The following AADAT variants were observed in gnomAD, a reference collection of about 807,000 sequenced individuals.
AADAT encodes aminoadipate aminotransferase, also known as kynurenine/alpha-aminoadipate aminotransferase, mitochondrial.
In AADAT, 25 loss-of-function variants were observed where a neutral mutation model predicts 56.2. The observed-to-expected ratio is 0.44, with a 90% CI of 0.32 to 0.62. The LOEUF (loss-of-function observed/expected upper bound fraction) is 0.62. AADAT is among the 20% of genes least tolerant of loss of function. The pLI is 0.04. For synonymous variants in AADAT, 173 were observed against 164.7 expected (o/e 1.05, Z -0.39); for missense variants, 387 against 510.5 (o/e 0.76, Z 2.33).
At chr4:170,079,242 C>G (rs776666320) in intron 3 of AADAT, among the ~76,000 whole-genome samples, 1 of 152,108 alleles carries the variant, frequency 6.6e-6, no homozygotes, top group Admixed American at 6.6e-5. Context: ...AGTTGGTGTA[C>G]GGGGTAACAA....
intron 3 of AADAT, among the ~76,000 whole-genome samples, chr4:170,086,372 A>T (rs1386847434): frequency 2.6e-5 from 4 of 152,076 alleles, no homozygotes; most frequent in Non-Finnish European, 5.9e-5. Context: ...GAAGGGAAGA[A>T]GATGGAATAA....
In AADAT at chr4:170,088,176, C is replaced by T. The variant is rs751855963; in HGVS notation, c.236+220G>A. 2.6e-4 allele frequency among the ~76,000 whole-genome samples: 40 copies of T among 151,740 alleles called. 1 individual carries two copies. The highest frequency in any genetic ancestry group is 2.0e-3 in the Admixed American group (30 of 15,250). ...CAATATCCTTTCTGTTCTTAATTAT[C>T]CTTTGAAAACCTTTCCCCAGACCTT... On this transcript the variant is annotated intron_variant, in intron 2 of 12. Transcript: ENST00000337664.
chr4:170,069,138 A>T lies in AADAT; in HGVS notation c.803+10T>A. 6.2e-7 allele frequency: 1 copy of T among 1,610,924 alleles called. No individual in the cohort carries two copies. Among genetic ancestry groups the T allele is most frequent in the Non-Finnish European group, 8.5e-7 (1 of 1,178,044 alleles). On this transcript the variant is annotated intron_variant, in intron 7 of 12. Transcript: ENST00000337664. ...AGATCTAGCGTCAAGTTAGAGACACAGGGCCTTACCCAGAGGAAATGATTT... is the reference window on the plus strand; with the variant it reads ...AGATCTAGCGTCAAGTTAGAGACACTGGGCCTTACCCAGAGGAAATGATTT...
intron 9 of AADAT, 111 bp from the exon 10 acceptor site, chr4:170,066,589 T>A: frequency 1.3e-6 from 1 of 771,612 alleles, no homozygotes; most frequent in South Asian, 1.5e-5. Context: ...ATTAAAATGT[T>A]GAATGCTTGA....
upstream of AADAT, among the ~76,000 whole-genome samples, chr4:170,092,361 C>T (rs190081184): frequency 5.3e-5 from 8 of 152,336 alleles, no homozygotes; most frequent in East Asian, 1.5e-3. Flanking sequence ...TCCAGCCGAG[C>T]TGTCTTAAGA....
At chr4:170,092,777 A>G (rs746239392), upstream of AADAT, among the ~76,000 whole-genome samples, 2 of 152,228 alleles carry the variant, frequency 1.3e-5, no homozygotes, top group South Asian at 4.1e-4. Context: ...TAATCAGTGC[A>G]GTGGTCTGCA....
chr4:170,071,672 G>A (rs573650269), intron 5 of AADAT, among the ~76,000 whole-genome samples: 1 of 152,332 alleles, frequency 6.6e-6, no homozygotes, highest in South Asian at 2.1e-4. Flanking sequence ...TGTGAAGAGT[G>A]TGACTGGTTA....
Position 170,073,197 on chromosome 4 carries a change from G to C in AADAT, c.593C>G (p.Pro198Arg). The C allele has an allele frequency of 6.2e-7, 1 of 1,614,062 alleles. No homozygotes were observed. The highest frequency in any genetic ancestry group is 2.2e-5 in the East Asian group (1 of 44,874). ...GTTTCCAGTAGGGTTGTTGCCATTT[G>C]GAACAGTATAAAGAAATTTGGGGGT... ...KNTPKFLYTV[P>R]NGNNPTGNSL... The change falls in exon 5 of 13, where the codon CCA (proline) becomes CGA (arginine). Residue 198 changes from proline (P) to arginine (R), a missense_variant. Pro to Arg is a moderately radical substitution (Grantham distance 103). Coordinates refer to ENST00000337664, the MANE Select transcript of AADAT (RefSeq NM_016228.4).
At chr4:170,078,709 G>A (rs2622068) in intron 3 of AADAT, 126 bp from the exon 4 acceptor site, 277,687 of 526,698 alleles carry the variant, frequency 0.53, 79,397 homozygotes, top group East Asian at 0.96. Context: ...TTGTTTATAA[G>A]GGGCCAAACA....
chr4:170,092,287 G>C (rs1581605945), upstream of AADAT, among the ~76,000 whole-genome samples: 1 of 152,214 alleles, frequency 6.6e-6, no homozygotes, highest in African/African-American at 2.4e-5. Context: ...CACTCACCGC[G>C]AAGGTGTGCA....
At chr4:170,076,572 C>T (rs1732045273) in intron 4 of AADAT, among the ~76,000 whole-genome samples, 1 of 152,022 alleles carries the variant, frequency 6.6e-6, no homozygotes. Flanking sequence ...GGTTGTTTAT[C>T]TTTCTGTTGT....
intron 11 of AADAT, among the ~76,000 whole-genome samples, chr4:170,062,383 C>T (rs1731235497): frequency 6.6e-6 from 1 of 152,048 alleles, no homozygotes; most frequent in Admixed American, 6.6e-5. Context: ...CTGAAAGTTA[C>T]TTTTAAGCTG....
At chr4:170,070,353 T>G (rs962456353) in intron 6 of AADAT, 3 of 367,074 alleles carry the variant, frequency 8.2e-6, no homozygotes, top group Middle Eastern at 7.4e-4. Flanking sequence ...AGCTACTATT[T>G]TGAAGGTAAG....
At chr4:170,089,559 C>A in intron 1 of AADAT, 65 bp downstream of exon 1, 3 of 1,592,368 alleles carry the variant, frequency 1.9e-6, no homozygotes, top group Non-Finnish European at 2.6e-6. Flanking sequence ...TGCTAGGGAA[C>A]CCTCCTTAGA....
In AADAT at chr4:170,060,704, A is replaced by G. The variant is rs915818606; in HGVS notation, c.*224T>C. ...CCTGCCAAAACAAGAAATTTATTGG[A>G]AAAATCCATGAGCAGCATGATTAGT... On this transcript the variant is annotated 3_prime_UTR_variant, in exon 13 of 13. Transcript: ENST00000337664. 2.7e-6 allele frequency: 1 copy of G among 372,536 alleles called. No homozygotes were observed. The highest frequency in any genetic ancestry group is 4.6e-5 in the Admixed American group (1 of 21,816). 23.1% of individuals were successfully genotyped at this position (372,536 alleles called of 1,614,324 possible).
intron 10 of AADAT, among the ~76,000 whole-genome samples, chr4:170,065,609 T>TTGAA (rs991652660): frequency 6.6e-6 from 1 of 152,106 alleles, no homozygotes; most frequent in African/African-American, 2.4e-5. Flanking sequence ...CAAGTGATTC[T>TTGAA]CCTGCCTTAG....
chr4:170,063,222 T>A (rs985106477), intron 11 of AADAT, among the ~76,000 whole-genome samples: 1 of 152,092 alleles, frequency 6.6e-6, no homozygotes, highest in South Asian at 2.1e-4. Context: ...AGCAAGGAGC[T>A]GAAAGAGAAG....
chr4:170,089,826 G>A lies in AADAT; in HGVS notation c.-136C>T. On this transcript the variant is annotated 5_prime_UTR_variant, in exon 1 of 13. Transcript: ENST00000337664. ...CGAGATGTGTCCCCCCGCTGCGTCT[G>A]GCTTCCCGCGCGCGGTGCCCGGAGA... 2 of 856,676 alleles carry A rather than the reference G, an allele frequency of 2.3e-6. No homozygotes were observed. The highest frequency in any genetic ancestry group is 4.9e-5 in the East Asian group (2 of 40,764). The allele number at this position is 856,676 out of a possible 1,614,324, so 53.1% of individuals were successfully genotyped here. A position where few individuals can be genotyped will look rare whatever the true frequency, so the allele number is the denominator to read the frequency against.
upstream of AADAT, among the ~76,000 whole-genome samples, chr4:170,093,291 T>C (rs191793147): frequency 1.3e-5 from 2 of 152,048 alleles, no homozygotes; most frequent in Admixed American, 1.3e-4. Flanking sequence ...TTAGCGGTGT[T>C]TGGTGGCAGA....
Sources: allele counts gnomAD v4.1 joint callset (sites outside exome capture counted in the v4.1 genomes callset), GRCh38; gene constraint gnomAD v4.1.1; transcripts MANE v1.5; gene names NCBI Gene and HGNC (gene_info 2026-07-23, HGNC 2026-07-21).